The following SNCAIP variants were observed in gnomAD, a reference collection of about 807,000 sequenced individuals.
SNCAIP encodes synphilin-1.
In SNCAIP, 43 loss-of-function variants were observed where a neutral mutation model predicts 86.7. That is an observed-to-expected ratio of 0.50 (90% CI 0.39 to 0.64). The LOEUF (loss-of-function observed/expected upper bound fraction) is 0.64. Among genes scored for constraint, SNCAIP ranks in the 30% least tolerant of loss-of-function variants. SNCAIP has a pLI of 0.00. For synonymous variants in SNCAIP, 417 were observed against 427.2 expected, an observed-to-expected ratio of 0.98 and a Z score of 0.29; for missense variants, 981 against 1,103.1, an observed-to-expected ratio of 0.89 and a Z score of 1.57.
rs1372176044 is a variant in SNCAIP, at chr5:122,425,478, T to C, written c.1129T>C (p.Cys377Arg). 2.5e-6 allele frequency: 4 copies of C among 1,614,146 alleles called. No homozygotes were observed. Among genetic ancestry groups the C allele is most frequent in the Non-Finnish European group, 3.4e-6 (4 of 1,179,996 alleles). Residue 377 changes from cysteine to arginine, a missense_variant, in exon 5 of 11, where the codon TGC (cysteine) becomes CGC (arginine). Transcript: ENST00000261368. ...CCTCACTTCTTTGATGGGAGAAGAC[T>C]GCCTCAATGAGCGCAACACTGAGAA... The part of the protein sequence containing the change: ...QHLTSLMGED[C>R]LNERNTEKLT...
intron 1 of SNCAIP, among the ~76,000 whole-genome samples, chr5:122,320,168 C>T (rs1752624613): frequency 6.6e-6 from 1 of 152,216 alleles, no homozygotes; most frequent in Non-Finnish European, 1.5e-5. Flanking sequence ...TCCTCCTTCA[C>T]CTGTGACAAT....
chr5:122,450,055 A>G (rs1185895518), intron 9 of SNCAIP, 118 bp downstream of exon 9: 2 of 756,522 alleles, frequency 2.6e-6, no homozygotes, highest in African/African-American at 3.5e-5. Flanking sequence ...TCTTCTTATA[A>G]AGAGGAATAA....
intron 3 of SNCAIP, among the ~76,000 whole-genome samples, chr5:122,408,485 T>A (rs1581060223): frequency 6.6e-6 from 1 of 152,228 alleles, no homozygotes; most frequent in Admixed American, 6.5e-5. Context: ...CACCTTCCAC[T>A]GGCTCACCAA....
intron 6 of SNCAIP, among the ~76,000 whole-genome samples, chr5:122,437,651 A>G (rs909992191): frequency 1.3e-5 from 2 of 152,230 alleles, no homozygotes; most frequent in African/African-American, 4.8e-5. Context: ...TTCTTTCTTT[A>G]TGTAAATCTT....
At chr5:122,408,407 G>T (rs1049470732) in intron 3 of SNCAIP, among the ~76,000 whole-genome samples, 5 of 152,086 alleles carry the variant, frequency 3.3e-5, no homozygotes, top group African/African-American at 1.2e-4. Context: ...TCATCCCTGC[G>T]GCTTTAGTGG....
rs759992182 is a variant in SNCAIP, at chr5:122,401,161, C to T, written c.58-2632C>T. On this transcript the variant is annotated intron_variant, in intron 2 of 10. Transcript: ENST00000261368. ...CGAACTGACAGTTACTTATAAAAGG[C>T]CATCTGTCCTGTGAACTGGGATGAA... 3 of 1,539,218 alleles carry T rather than the reference C, an allele frequency of 1.9e-6. No individual in the cohort carries two copies. The South Asian group carries it at 3.7e-5, about 19-fold the overall frequency.
chr5:122,356,242 T>C (rs1760994381), intron 1 of SNCAIP, among the ~76,000 whole-genome samples: 1 of 151,390 alleles, frequency 6.6e-6, no homozygotes, highest in Non-Finnish European at 1.5e-5. Context: ...TCCTCCCACC[T>C]CAGCCTTCCA....
At chr5:122,425,208 C>T (rs946329183) in intron 4 of SNCAIP, 144 bp from the exon 5 acceptor site, 4 of 743,118 alleles carry the variant, frequency 5.4e-6, no homozygotes, top group Non-Finnish European at 9.8e-6. Context: ...AGAATAATAG[C>T]AAGAAACTGA....
intron 10 of SNCAIP, 83 bp downstream of exon 10, chr5:122,451,684 T>G: frequency 1.9e-6 from 2 of 1,040,392 alleles, no homozygotes; most frequent in Non-Finnish European, 2.9e-6. Context: ...GGGCCCACAC[T>G]ACCTTGAGGG....
At position 122,399,125 on chromosome 5, in the gene SNCAIP, C is replaced by T. The variant is rs538328650; in HGVS notation, c.58-4668C>T. On this transcript the variant is annotated intron_variant, in intron 2 of 10. Transcript: ENST00000261368. The stretch of plus-strand genomic sequence containing the variant: ...CTATTCCCAGCTCGACCCCTCTCTT[C>T]CCGCCTCATTAGTTCTCATGTCTTC... Among the ~76,000 whole-genome samples the T allele has an allele frequency of 5.9e-5, 9 of 152,288 alleles. No homozygotes were observed. The South Asian group carries it at 1.9e-3, about 32-fold the overall frequency.
intron 3 of SNCAIP, among the ~76,000 whole-genome samples, chr5:122,404,825 T>C (rs1772621085): frequency 6.6e-6 from 1 of 152,226 alleles, no homozygotes; most frequent in South Asian, 2.1e-4. Context: ...TTTGTTTTCC[T>C]TTGACATTTT....
chr5:122,452,878 T>G, intron 10 of SNCAIP: 5 of 1,209,844 alleles, frequency 4.1e-6, no homozygotes, highest in Non-Finnish European at 4.8e-6. Context: ...GTGCATGTGC[T>G]GAGCTTGTTG....
chr5:122,460,297 T>C (rs1785853601), intron 10 of SNCAIP, among the ~76,000 whole-genome samples: 1 of 152,046 alleles, frequency 6.6e-6, no homozygotes, highest in African/African-American at 2.4e-5. Context: ...AAGCAGATAC[T>C]ATTATTATCC....
intron 5 of SNCAIP, among the ~76,000 whole-genome samples, chr5:122,426,619 A>G (rs1375106608): frequency 6.6e-6 from 1 of 152,222 alleles, no homozygotes; most frequent in African/African-American, 2.4e-5. Context: ...TAATTTTTTA[A>G]ATAAAATAAA....
chr5:122,375,520 A>G lies in SNCAIP; in HGVS notation c.-46-15569A>G, dbSNP rs13174512. ...TTCTGTGTTAATAGACCTGGGATTT[A>G]TTATACTGTCATTCTAGTGAATAGA... On this transcript the variant is annotated intron_variant, in intron 1 of 10. Transcript: ENST00000261368. Among the ~76,000 whole-genome samples, 469 of 119,806 alleles carry G rather than the reference A, an allele frequency of 3.9e-3. 2 individuals are homozygous for G. The highest frequency in any genetic ancestry group is 6.5e-3 in the Non-Finnish European group (369 of 57,002). 78.6% of individuals were successfully genotyped at this position (119,806 alleles called of 152,430 possible).
intron 1 of SNCAIP, among the ~76,000 whole-genome samples, chr5:122,362,613 AG>A (rs1470214615): frequency 6.6e-6 from 1 of 152,206 alleles, no homozygotes; most frequent in African/African-American, 2.4e-5. Context: ...TAGGAATGCT[AG>A]TACCAAGTAC....
chr5:122,427,780 G>C (rs1356089182), intron 5 of SNCAIP, among the ~76,000 whole-genome samples: 1 of 152,148 alleles, frequency 6.6e-6, no homozygotes, highest in Non-Finnish European at 1.5e-5. Flanking sequence ...AAGTTGCTAA[G>C]ATAATATGAC....
rs1335888510 is a variant in SNCAIP, at chr5:122,451,461, A to C, written c.2614A>C (p.Ser872Arg). ...CTTTCGATCTATCATGGAGACACTA[A>C]GTGGCAACCAAAACAATAATAATAA... The part of the protein sequence containing the change: ...GAFRSIMETL[S>R]GNQNNNNNYQ... Residue 872 changes from serine to arginine, a missense_variant, in exon 10 of 11, where the codon AGT becomes CGT. Ser to Arg is a moderately radical substitution (Grantham distance 110, BLOSUM62 -1). Coordinates refer to ENST00000261368, the MANE Select transcript of SNCAIP (RefSeq NM_005460.4). The C allele has an allele frequency of 4.3e-6, 7 of 1,613,838 alleles. No homozygotes were observed. The highest frequency in any genetic ancestry group is 5.9e-6 in the Non-Finnish European group (7 of 1,179,996).
chr5:122,451,726 T>G, intron 10 of SNCAIP, 125 bp downstream of exon 10: 1 of 736,670 alleles, frequency 1.4e-6, no homozygotes, highest in Non-Finnish European at 2.3e-6. Context: ...TCCAAAGGGA[T>G]GCATGGAAAG....
Sources: gnomAD v4.1 joint callset for allele counts (sites outside exome capture counted in the v4.1 genomes callset) on GRCh38, gnomAD v4.1.1 for gene constraint, MANE v1.5 for transcripts, NCBI Gene and HGNC (gene_info 2026-07-23, HGNC 2026-07-21) for gene names.